The following CADM2 variants were observed in gnomAD, a reference collection of about 807,000 sequenced individuals.
CADM2 encodes the protein immunoglobulin superfamily member 4D.
A neutral mutation model predicts 49.8 loss-of-function variants in CADM2; 12 were observed. That is an observed-to-expected ratio of 0.24 (90% CI 0.15 to 0.39). CADM2 has a LOEUF of 0.39. CADM2 is among the 10% of genes least tolerant of loss of function. The probability of loss-of-function intolerance (pLI) is 1.00; values close to 1 mark genes in which losing one functional copy is unlikely to be tolerated. For synonymous variants in CADM2, 214 were observed against 175.4 expected, an observed-to-expected ratio of 1.22 and a Z score of -1.74; for missense variants, 378 against 492.3, an observed-to-expected ratio of 0.77 and a Z score of 2.20.
intron 1 of CADM2, among the ~76,000 whole-genome samples, chr3:84,974,643 C>T (rs1326640390): frequency 6.6e-6 from 1 of 151,852 alleles, no homozygotes; most frequent in Non-Finnish European, 1.5e-5. Context: ...TAAGGCATAG[C>T]TTTGGTTTCC....
chr3:85,302,363 A>G (rs190093731), intron 1 of CADM2, among the ~76,000 whole-genome samples: 1 of 152,134 alleles, frequency 6.6e-6, no homozygotes, highest in African/African-American at 2.4e-5. Flanking sequence ...ACTTTTGGAC[A>G]ATGCAGGAAT....
intron 1 of CADM2, among the ~76,000 whole-genome samples, chr3:85,550,966 ATTTG>A (rs141546537): frequency 0.21 from 31,381 of 146,108 alleles, 3,852 homozygotes; most frequent in East Asian, 0.34. Context: ...TAATTTATTT[ATTTG>A]TTTGTTTGTT....
chr3:85,138,679 G>A (rs1047825698), intron 1 of CADM2, among the ~76,000 whole-genome samples: 6 of 152,036 alleles, frequency 3.9e-5, no homozygotes, highest in Non-Finnish European at 8.8e-5. Context: ...AATAAATGGT[G>A]AACATCAAAA....
At chr3:85,218,671 C>G (rs2041984404) in intron 1 of CADM2, among the ~76,000 whole-genome samples, 1 of 152,112 alleles carries the variant, frequency 6.6e-6, no homozygotes, top group Non-Finnish European at 1.5e-5. Flanking sequence ...TGGCAGGTGC[C>G]TGTAGTCCCA....
At chr3:85,714,778 C>T (rs549024321) in intron 1 of CADM2, among the ~76,000 whole-genome samples, 2 of 152,170 alleles carry the variant, frequency 1.3e-5, no homozygotes, top group East Asian at 3.9e-4. Context: ...TTCCCACCTC[C>T]TTTTACTCCC....
At chr3:85,909,613 A>G (rs114871379) in intron 5 of CADM2, among the ~76,000 whole-genome samples, 145 of 152,124 alleles carry the variant, frequency 9.5e-4, no homozygotes, top group Non-Finnish European at 1.9e-3. Context: ...CAGACTCCAC[A>G]CTCTAACCTA....
intron 1 of CADM2, among the ~76,000 whole-genome samples, chr3:85,602,074 A>G (rs753249818): frequency 2.0e-5 from 3 of 151,850 alleles, no homozygotes; most frequent in Non-Finnish European, 4.4e-5. Context: ...AAAAGCAATT[A>G]TCATTAAAGA....
chr3:85,021,187 T>G (rs1194855313), intron 1 of CADM2, among the ~76,000 whole-genome samples: 1 of 151,756 alleles, frequency 6.6e-6, no homozygotes, highest in Non-Finnish European at 1.5e-5. Context: ...AAAAGCTGTT[T>G]ATATCATCTT....
At chr3:85,156,967 A>G (rs990171929) in intron 1 of CADM2, among the ~76,000 whole-genome samples, 1 of 152,152 alleles carries the variant, frequency 6.6e-6, no homozygotes, top group African/African-American at 2.4e-5. Context: ...AATCTCCTTA[A>G]GCTGATAAGC....
chr3:85,739,108 C>A (rs1044032357), intron 2 of CADM2, among the ~76,000 whole-genome samples: 2 of 152,090 alleles, frequency 1.3e-5, no homozygotes, highest in Non-Finnish European at 2.9e-5. Flanking sequence ...TACATGATGA[C>A]ATTTATCATT....
chr3:86,017,050 GTGCTTAT>G (rs950270947), intron 8 of CADM2, among the ~76,000 whole-genome samples: 36 of 151,554 alleles, frequency 2.4e-4, no homozygotes, highest in Non-Finnish European at 3.4e-4. Flanking sequence ...TCAAACAGTT[GTGCTTAT>G]TGCTTTAAGC....
At chr3:85,300,968 A>G (rs1026303090) in intron 1 of CADM2, among the ~76,000 whole-genome samples, 2 of 152,120 alleles carry the variant, frequency 1.3e-5, no homozygotes, top group African/African-American at 4.8e-5. Flanking sequence ...GCCTGAAATC[A>G]GAAGCAAGCA....
At chr3:85,673,632 A>T (rs1412427835) in intron 1 of CADM2, among the ~76,000 whole-genome samples, 6 of 152,080 alleles carry the variant, frequency 3.9e-5, no homozygotes, top group Admixed American at 3.9e-4. Context: ...TGTAAGTAAG[A>T]TGTTAACAGG....
chr3:85,269,087 A>G (rs2043179571), intron 1 of CADM2, among the ~76,000 whole-genome samples: 1 of 151,460 alleles, frequency 6.6e-6, no homozygotes. Context: ...TTGATTAGAA[A>G]TTAAAAAGTA....
intron 8 of CADM2, among the ~76,000 whole-genome samples, chr3:85,990,042 A>AAAAAAAAAAAAAAAAAAAAACAG (rs1436572625): frequency 9.3e-6 from 1 of 108,002 alleles, no homozygotes; most frequent in Non-Finnish European, 2.0e-5. Context: ...AAAAAAAAAA[A>AAAAAAAAAAAAAAAAAAAAACAG]AAGAAGACTA....
chr3:85,916,775 T>C (rs1273470624), intron 6 of CADM2, among the ~76,000 whole-genome samples: 5 of 152,088 alleles, frequency 3.3e-5, no homozygotes, highest in Non-Finnish European at 5.9e-5. Context: ...TGAACTAGTT[T>C]ACAGTCCCAC....
chr3:85,869,819 G>A (rs2075854307), intron 3 of CADM2, among the ~76,000 whole-genome samples: 1 of 151,900 alleles, frequency 6.6e-6, no homozygotes, highest in Admixed American at 6.6e-5. Context: ...CCACCACGGG[G>A]CCTGGCTAAT....
intron 1 of CADM2, among the ~76,000 whole-genome samples, chr3:85,449,598 A>G (rs1576577604): frequency 6.6e-6 from 1 of 151,988 alleles, no homozygotes; most frequent in Non-Finnish European, 1.5e-5. Flanking sequence ...CTTAGCATAT[A>G]AAGTAGTACT....
chr3:85,854,606 A>G (rs1185035536), intron 3 of CADM2, among the ~76,000 whole-genome samples: 3 of 152,092 alleles, frequency 2.0e-5, no homozygotes, highest in Non-Finnish European at 4.4e-5. Context: ...ATGGAGGGGA[A>G]CATCACACAC....
Sources: allele counts gnomAD v4.1 joint callset (sites outside exome capture counted in the v4.1 genomes callset), GRCh38; gene constraint gnomAD v4.1.1; transcripts MANE v1.5; gene names NCBI Gene and HGNC (gene_info 2026-07-23, HGNC 2026-07-21).